Variants in ZNF318 observed in about 807,000 individuals in gnomAD.
The protein encoded by ZNF318 is zinc finger protein 318, also known as endocrine regulator.
A neutral mutation model predicts 124.2 loss-of-function variants in ZNF318; 51 were observed. The ratio of observed to expected loss-of-function variants is 0.41; its 90% CI spans 0.33 to 0.52. The LOEUF (loss-of-function observed/expected upper bound fraction) is 0.52, where lower values mean the gene tolerates loss of function less well. Among genes scored for constraint, ZNF318 ranks in the 20% least tolerant of loss-of-function variants. The pLI is 0.23. For missense variants in ZNF318, 2,815 were observed against 2,811.2 expected (o/e 1.00, Z -0.03); for synonymous variants, 1,090 against 1,040.7 (o/e 1.05, Z -0.91).
chr6:43,340,719 C>T, intron 9 of ZNF318, 71 bp downstream of exon 9: 4 of 1,533,426 alleles, frequency 2.6e-6, no homozygotes, highest in East Asian at 2.3e-5. Flanking sequence ...CTGGCTCGGA[C>T]GCCATTTGAC....
chr6:43,360,737 A>G (rs1220889912), intron 2 of ZNF318, among the ~76,000 whole-genome samples: 1 of 152,236 alleles, frequency 6.6e-6, no homozygotes, highest in African/African-American at 2.4e-5. Context: ...AACATGGTAT[A>G]TCCATACAAT....
chr6:43,340,640 T>C (rs1779362137), intron 9 of ZNF318, 138 bp from the exon 10 acceptor site: 2 of 1,496,102 alleles, frequency 1.3e-6, no homozygotes, highest in South Asian at 1.4e-5. Context: ...TGCTATCTGC[T>C]GAGCATCTCC....
intron 2 of ZNF318, among the ~76,000 whole-genome samples, chr6:43,359,146 T>C (rs892486503): frequency 3.9e-5 from 6 of 152,236 alleles, no homozygotes; most frequent in Non-Finnish European, 8.8e-5. Flanking sequence ...ATGGTTCACA[T>C]ATTAAAACCC....
In ZNF318 at chr6:43,337,013, A is replaced by G. The variant is rs1159025055; in HGVS notation, c.*145T>C. 1 of 672,416 alleles carries G rather than the reference A, an allele frequency of 1.5e-6. No homozygotes were observed. The highest frequency in any genetic ancestry group is 1.8e-5 in the African/African-American group (1 of 54,242). 41.7% of individuals were successfully genotyped at this position (672,416 alleles called of 1,614,324 possible). On this transcript the variant is annotated 3_prime_UTR_variant, in exon 10 of 10. Coordinates refer to ENST00000361428, the MANE Select transcript of ZNF318 (RefSeq NM_014345.3). ...GAAAAGGAAAGGAGGTAAATTTTTT[A>G]GCTTCCATGAACATTTACTTTAAGA... is the stretch of plus-strand genomic sequence containing the variant.
chr6:43,352,240 A>G (rs1187785094), intron 5 of ZNF318, 137 bp downstream of exon 5: 1 of 660,824 alleles, frequency 1.5e-6, no homozygotes, highest in Non-Finnish European at 2.6e-6. Context: ...CTATTATTGC[A>G]ACTTTTTTGT....
chr6:43,341,129 T>C (rs1366624436), intron 8 of ZNF318, among the ~76,000 whole-genome samples: 1 of 152,148 alleles, frequency 6.6e-6, no homozygotes, highest in Non-Finnish European at 1.5e-5. Flanking sequence ...CTTGGGAACA[T>C]TATACTGGTT....
In ZNF318 at chr6:43,357,785, T is replaced by A; in HGVS notation, c.549-20A>T. The A allele has an allele frequency of 6.4e-7, 1 of 1,565,252 alleles. No individual in the cohort carries two copies. The highest frequency in any genetic ancestry group is 8.6e-7 in the Non-Finnish European group (1 of 1,166,154). ...TCATCCCTGAGGAAAAAGAGAAGCA[T>A]CATTGAACAAATGGACTTGGAAAGA... On this transcript the variant is annotated intron_variant, in intron 2 of 9. Coordinates refer to ENST00000361428, the MANE Select transcript of ZNF318 (RefSeq NM_014345.3).
chr6:43,357,387 C>A lies in ZNF318; in HGVS notation c.927G>T (p.Arg309Ser), dbSNP rs756995568. ...GTTCTCGAAACTCAGGGTCGAGAAA[C>A]CTAGGACTTGGGCTTCTTCTACGCT... ...YRQRRRSPSP[R>S]FLDPEFRELD... The change falls in exon 3 of 10, where the codon AGG (arginine) becomes AGT (serine). Residue 309 changes from arginine (R) to serine (S), a missense_variant. Coordinates refer to ENST00000361428, the MANE Select transcript of ZNF318 (RefSeq NM_014345.3). 5.5e-5 allele frequency: 88 copies of A among 1,614,030 alleles called. No homozygotes were observed. Among genetic ancestry groups the A allele is most frequent in the Non-Finnish European group, 7.0e-5 (83 of 1,180,038 alleles).
In ZNF318 at chr6:43,342,894, T is replaced by C. The variant is rs774380459; in HGVS notation, c.3073-15A>G. 95 of 1,600,162 alleles carry C rather than the reference T, an allele frequency of 5.9e-5. No homozygotes were observed. The Admixed American group carries it at 1.5e-3, about 25-fold the overall frequency. Reference sequence around the variant, plus strand: ...ACTTTTGATTCCTAGAGGGGAAAAATCTGTACTTACAAGGAATTCAAGGCA... The same window carrying C: ...ACTTTTGATTCCTAGAGGGGAAAAACCTGTACTTACAAGGAATTCAAGGCA... On this transcript the variant is annotated splice_polypyrimidine_tract_variant and intron_variant, in intron 6 of 9. Transcript: ENST00000361428.
Position 43,342,108 on chromosome 6 carries a change from A to G in ZNF318, c.3376+4T>C, listed in dbSNP as rs1207511416. 4.3e-6 allele frequency: 7 copies of G among 1,613,562 alleles called. No homozygotes were observed. Among genetic ancestry groups the G allele is most frequent in the Non-Finnish European group, 5.9e-6 (7 of 1,179,570 alleles). On this transcript the variant is annotated splice_donor_region_variant and intron_variant, in intron 8 of 9. Transcript: ENST00000361428. ...ACCACAAAGGTGGCAAAAAGGAAAC[A>G]TACCTTTTGCAGGAACAGTTATCTT... is the stretch of plus-strand genomic sequence containing the variant.
At chr6:43,354,075 T>C (rs987844711) in intron 4 of ZNF318, among the ~76,000 whole-genome samples, 15 of 152,040 alleles carry the variant, frequency 9.9e-5, no homozygotes, top group Non-Finnish European at 2.1e-4. Context: ...TCCATCTCTA[T>C]ATAAAATATA....
chr6:43,354,295 A>G (rs1158947531), intron 4 of ZNF318, among the ~76,000 whole-genome samples: 10 of 152,200 alleles, frequency 6.6e-5, no homozygotes, highest in Non-Finnish European at 1.5e-5. Context: ...ACTGGGATCA[A>G]ACAGGTTTAC....
chr6:43,346,200 A>G (rs1465479022), intron 6 of ZNF318, among the ~76,000 whole-genome samples: 1 of 142,598 alleles, frequency 7.0e-6, no homozygotes, highest in East Asian at 2.0e-4. Context: ...AAAAAAAAAA[A>G]AAAAAAAAAT....
At chr6:43,368,671 C>T in intron 1 of ZNF318, 1 of 985,420 alleles carries the variant, frequency 1.0e-6, no homozygotes, top group South Asian at 4.7e-5. Flanking sequence ...ACGGTTTGGA[C>T]GAAATGCCCC....
chr6:43,355,875 G>A lies in ZNF318; in HGVS notation c.1459C>T (p.Pro487Ser), dbSNP rs767012551. The A allele has an allele frequency of 1.2e-5, 19 of 1,614,088 alleles. No individual in the cohort carries two copies. In the African/African-American group the frequency reaches 2.3e-4, roughly 19 times the overall value. Reference protein sequence around the residue: ...KDNLDLKAEGPERHTDFLLPH... With the variant: ...KDNLDLKAEGSERHTDFLLPH... ...AGCAGGAAGTCTGTGTGTCGCTCAG[G>A]TCCCTCAGCCTTCAAATCCAAATTA... The change falls in exon 4 of 10, where the codon CCT becomes TCT. Residue 487 changes from proline to serine, a missense_variant. Around this residue, in one of 4 missense-constraint regions of ZNF318, gnomAD observed 1,377 missense variants for 1,353.5 expected, o/e 1.02. Coordinates refer to ENST00000361428, the MANE Select transcript of ZNF318 (RefSeq NM_014345.3).
Position 43,355,535 on chromosome 6 carries a change from C to T in ZNF318, c.1799G>A (p.Gly600Glu). ...AKIHDLLKTIGLDIGVAEISQ... is the reference protein window; with the variant it reads ...AKIHDLLKTIELDIGVAEISQ... ...AATCTCTGCTACTCCAATATCCAGC[C>T]CTATTGTCTTGAGCAAGTCATGGAT... The change falls in exon 4 of 10, where the codon GGG becomes GAG. Residue 600 changes from glycine to glutamate, a missense_variant. Coordinates refer to ENST00000361428, the MANE Select transcript of ZNF318 (RefSeq NM_014345.3). 2.5e-6 allele frequency: 4 copies of T among 1,614,178 alleles called. No individual in the cohort carries two copies. The highest frequency in any genetic ancestry group is 3.4e-6 in the Non-Finnish European group (4 of 1,180,038).
In ZNF318 at chr6:43,337,917, A is replaced by G; in HGVS notation, c.6081T>C (p.Thr2027=). 6.2e-7 allele frequency: 1 copy of G among 1,614,192 alleles called. No individual in the cohort carries two copies. Among genetic ancestry groups the G allele is most frequent in the South Asian group, 1.1e-5 (1 of 91,084 alleles). Residue 2027 remains threonine (T), a synonymous_variant, in exon 10 of 10, where the codon ACT becomes ACC. Transcript: ENST00000361428. ...LGDMPVDFCT[T]RVSPAHRSPT... is the part of the protein sequence containing the mutation. ...GGGATCTATGTGCTGGGCTTACCCG[A>G]GTAGTGCAGAAATCAACAGGCATAT...
rs1481762257 is a variant in ZNF318 at position 43,354,727 on chromosome 6, T to C, written c.2607A>G (p.Ser869=). ...AQVPVQVSIP[S]LIRYNPEKIS... is the part of the protein sequence containing the mutation. ...TCTTCTCTGGATTATATCTTATGAG[T>C]GATGGAATGGACACCTGGACAGGCA... The change falls in exon 4 of 10, where the codon TCA becomes TCG. Residue 869 remains serine, a synonymous_variant. Transcript: ENST00000361428. 1 of 1,613,928 alleles carries C rather than the reference T, an allele frequency of 6.2e-7. No individual in the cohort carries two copies. The highest frequency in any genetic ancestry group is 1.7e-5 in the Admixed American group (1 of 60,002).
chr6:43,352,223 C>A (rs1292548812), intron 5 of ZNF318, among the ~76,000 whole-genome samples, 154 bp downstream of exon 5: 1 of 152,206 alleles, frequency 6.6e-6, no homozygotes, highest in African/African-American at 2.4e-5. Context: ...CCTGAGAATT[C>A]TTTGCACTAT....
Sources: gnomAD v4.1 joint callset for allele counts (sites outside exome capture counted in the v4.1 genomes callset) on GRCh38, gnomAD v4.1.1 for gene constraint, gnomAD v4.1.1 regional missense constraint, MANE v1.5 for transcripts, NCBI Gene and HGNC (gene_info 2026-07-23, HGNC 2026-07-21) for gene names.